The following GRID2 variants were observed in gnomAD, a reference collection of about 807,000 sequenced individuals.
GRID2 encodes glutamate receptor ionotropic, delta-2.
GRID2 carries 33 observed loss-of-function variants against 114.8 expected under a neutral mutation model. That is an observed-to-expected ratio of 0.29 (90% CI 0.22 to 0.38). GRID2 has a LOEUF of 0.38. GRID2 is among the 10% of genes least tolerant of loss of function. The pLI is 1.00. For missense variants in GRID2, 1,184 were observed against 1,257.7 expected (o/e 0.94, Z 0.89); for synonymous variants, 505 against 449.9 (o/e 1.12, Z -1.55).
At chr4:92,889,621 G>A (rs1219630839) in intron 2 of GRID2, among the ~76,000 whole-genome samples, 5 of 152,064 alleles carry the variant, frequency 3.3e-5, no homozygotes, top group Middle Eastern at 3.4e-3. Context: ...ATGAGAGGAC[G>A]CAAACAAATG....
At chr4:92,743,888 T>A (rs1298256762) in intron 2 of GRID2, among the ~76,000 whole-genome samples, 1 of 152,176 alleles carries the variant, frequency 6.6e-6, no homozygotes, top group African/African-American at 2.4e-5. Flanking sequence ...GAAGTTGAAT[T>A]TTTATGTTTG....
intron 9 of GRID2, among the ~76,000 whole-genome samples, chr4:93,405,954 A>G (rs2149344745): frequency 6.6e-6 from 1 of 152,304 alleles, no homozygotes; most frequent in East Asian, 1.9e-4. Flanking sequence ...AGATAACATT[A>G]CCATCTAGCT....
At chr4:93,190,135 C>A (rs1043834806) in intron 4 of GRID2, among the ~76,000 whole-genome samples, 2 of 151,822 alleles carry the variant, frequency 1.3e-5, no homozygotes, top group African/African-American at 4.8e-5. Flanking sequence ...TAATTTGTTA[C>A]CTAAATTAAA....
At chr4:92,349,870 A>G (rs918373911) in intron 1 of GRID2, among the ~76,000 whole-genome samples, 1 of 151,890 alleles carries the variant, frequency 6.6e-6, no homozygotes, top group Non-Finnish European at 1.5e-5. Flanking sequence ...ACACTTTCAT[A>G]ACCACATCAA....
chr4:93,213,630 G>A (rs1255415485), intron 5 of GRID2, among the ~76,000 whole-genome samples: 1 of 152,046 alleles, frequency 6.6e-6, no homozygotes, highest in Non-Finnish European at 1.5e-5. Context: ...GTCTAAATTG[G>A]CATCTGATCC....
intron 2 of GRID2, among the ~76,000 whole-genome samples, chr4:92,750,709 G>T (rs1737409307): frequency 6.6e-6 from 1 of 152,180 alleles, no homozygotes; most frequent in Admixed American, 6.5e-5. Flanking sequence ...TACAAAAAGT[G>T]TTTGAAGGAG....
intron 2 of GRID2, among the ~76,000 whole-genome samples, chr4:92,677,101 G>T (rs1162756374): frequency 1.3e-5 from 2 of 152,314 alleles, no homozygotes; most frequent in East Asian, 1.9e-4. Flanking sequence ...ATTGGTGGCT[G>T]CCAGGGGTTG....
intron 13 of GRID2, among the ~76,000 whole-genome samples, chr4:93,556,718 C>T (rs13138663): frequency 0.16 from 24,712 of 152,014 alleles, 2,690 homozygotes; most frequent in Middle Eastern, 0.27. Flanking sequence ...CAAGAGAGGC[C>T]AACATTCAAA....
intron 13 of GRID2, among the ~76,000 whole-genome samples, chr4:93,625,654 G>T (rs1263034357): frequency 6.6e-6 from 1 of 152,170 alleles, no homozygotes; most frequent in Non-Finnish European, 1.5e-5. Context: ...GGTGGCTCAC[G>T]CCTGTAATCT....
chr4:92,888,180 C>T (rs187646061), intron 2 of GRID2, among the ~76,000 whole-genome samples: 117 of 152,058 alleles, frequency 7.7e-4, no homozygotes, highest in Admixed American at 2.6e-3. Context: ...GGTACTCAAA[C>T]GATTATATTG....
intron 1 of GRID2, among the ~76,000 whole-genome samples, chr4:92,526,275 C>T (rs917700775): frequency 7.2e-5 from 11 of 152,100 alleles, no homozygotes; most frequent in Non-Finnish European, 1.2e-4. Context: ...ACTATCAACA[C>T]AGCCCCTGAT....
At chr4:92,587,705 A>AT (rs1728515075) in intron 1 of GRID2, among the ~76,000 whole-genome samples, 1 of 152,056 alleles carries the variant, frequency 6.6e-6, no homozygotes, top group Non-Finnish European at 1.5e-5. Context: ...TCTTTTATCC[A>AT]TTTTTTCAGT....
At chr4:92,339,549 T>A (rs910327606) in intron 1 of GRID2, among the ~76,000 whole-genome samples, 3 of 151,968 alleles carry the variant, frequency 2.0e-5, no homozygotes, top group Non-Finnish European at 4.4e-5. Flanking sequence ...AGTAACCCTA[T>A]AAATGGAGAT....
chr4:93,412,191 A>G (rs1767239244), intron 9 of GRID2, among the ~76,000 whole-genome samples: 1 of 151,834 alleles, frequency 6.6e-6, no homozygotes, highest in African/African-American at 2.4e-5. Flanking sequence ...CTTGAGGTCA[A>G]GACTTTGAGA....
chr4:92,368,793 C>T (rs1728987205), intron 1 of GRID2, among the ~76,000 whole-genome samples: 1 of 151,676 alleles, frequency 6.6e-6, no homozygotes. Context: ...TTAATATGAC[C>T]TGAAGGAAAA....
intron 1 of GRID2, among the ~76,000 whole-genome samples, chr4:92,415,740 G>GTGTATATATATA (rs1459039400): frequency 3.6e-5 from 3 of 82,216 alleles, no homozygotes; most frequent in African/African-American, 8.2e-5. Flanking sequence ...GTGTATGTGT[G>GTGTATATATATA]TATATATATA....
chr4:92,937,550 A>C (rs570964866), intron 2 of GRID2, among the ~76,000 whole-genome samples: 1 of 146,484 alleles, frequency 6.8e-6, no homozygotes, highest in East Asian at 2.2e-4. Context: ...GTTTATCCTT[A>C]TGCCAATGAT....
At chr4:93,689,735 G>C (rs149210608) in intron 14 of GRID2, among the ~76,000 whole-genome samples, 5 of 152,184 alleles carry the variant, frequency 3.3e-5, no homozygotes, top group African/African-American at 1.2e-4. Flanking sequence ...TTATGTCAGT[G>C]AAGGATATTC....
At chr4:93,173,345 C>A (rs1739033198) in intron 4 of GRID2, among the ~76,000 whole-genome samples, 1 of 151,898 alleles carries the variant, frequency 6.6e-6, no homozygotes, top group Admixed American at 6.6e-5. Context: ...CTATAATAGA[C>A]TAACAGCTAT....
Sources: gnomAD v4.1 joint callset for allele counts (sites outside exome capture counted in the v4.1 genomes callset) on GRCh38, gnomAD v4.1.1 for gene constraint, MANE v1.5 for transcripts, NCBI Gene and HGNC (gene_info 2026-07-23, HGNC 2026-07-21) for gene names.